The following PLEC variants were observed in gnomAD, a reference collection of about 807,000 sequenced individuals.
The protein encoded by PLEC is hemidesmosomal protein 1.
A neutral mutation model predicts 392.8 loss-of-function variants in PLEC; 216 were observed. That is an observed-to-expected ratio of 0.55 (90% confidence interval 0.49 to 0.62). The LOEUF (loss-of-function observed/expected upper bound fraction) is 0.62. Ranked by LOEUF, PLEC falls within the 20% of genes least tolerant of loss-of-function variation. The probability of loss-of-function intolerance (pLI) is 0.00; values close to 1 mark genes in which losing one functional copy is unlikely to be tolerated. For missense variants in PLEC, 6,863 were observed against 6,563.4 expected (o/e 1.05, Z -1.58); for synonymous variants, 3,621 against 2,980.6 (o/e 1.21, Z -7.00).
At chr8:143,950,033 C>T in intron 1 of PLEC, 9 of 1,054,836 alleles carry the variant, frequency 8.5e-6, no homozygotes, top group South Asian at 1.7e-5. Flanking sequence ...ACCCCCTGAC[C>T]CTCGGCTAGG....
Position 143,918,381 on chromosome 8 carries a change from G to C in PLEC, c.11440C>G (p.Leu3814Val). The C allele has an allele frequency of 6.4e-7, 1 of 1,567,332 alleles. No homozygotes were observed. Among genetic ancestry groups the C allele is most frequent in the Non-Finnish European group, 8.6e-7 (1 of 1,162,352 alleles). Reference sequence around the variant, plus strand: ...ACCTCCAGGGGAAGGTGGAAGCCCAGGCGGGGGTCCACGATGCCGCCGGTG... The same window carrying C: ...ACCTCCAGGGGAAGGTGGAAGCCCACGCGGGGGTCCACGATGCCGCCGGTG... ...LATGGIVDPR[L>V]GFHLPLEVAY... The change falls in exon 32 of 32, where the codon CTG becomes GTG. Residue 3814 changes from leucine to valine, a missense_variant. Transcript: ENST00000345136.
rs782459118 is a variant in PLEC, at chr8:143,932,511, C to T, written c.1866G>A (p.Val622=). 6 of 1,612,528 alleles carry T rather than the reference C, an allele frequency of 3.7e-6. No individual in the cohort carries two copies. Among genetic ancestry groups the T allele is most frequent in the South Asian group, 1.1e-5 (1 of 91,096 alleles). The part of the protein sequence containing the change: ...LRSLESLHSF[V]AAATKELMWL... ...ACATTAGCTCCTTAGTGGCGGCTGC[C>T]ACAAAGCTGTGCAAGCTCTCCAGGG... The change falls in exon 16 of 32, where the codon GTG becomes GTA. Residue 622 remains valine, a synonymous_variant. Transcript: ENST00000345136.
At chr8:143,975,185 C>A (rs782696245), upstream of PLEC, 5 of 1,599,670 alleles carry the variant, frequency 3.1e-6, no homozygotes, top group Non-Finnish European at 4.2e-6. The surrounding 1 kb of genome is among the most constrained non-coding windows in gnomAD (Gnocchi z 9.9). Flanking sequence ...ACCTGCGATG[C>A]GAATGACCGC....
chr8:143,935,366 C>A, intron 6 of PLEC, 53 bp from the exon 7 acceptor site: 2 of 1,274,956 alleles, frequency 1.6e-6, no homozygotes, highest in South Asian at 1.2e-5. Context: ...AGCGGCCACA[C>A]CACACAGGCG....
upstream of PLEC, chr8:143,976,712 C>T (rs1833678712): frequency 6.6e-6 from 1 of 151,978 alleles, no homozygotes; most frequent in African/African-American, 2.4e-5. Context: ...CCTGGTGGCT[C>T]CGCTCACTTC....
chr8:143,924,313 G>A lies in PLEC; in HGVS notation c.5616C>T (p.Asp1872=), dbSNP rs371589575. ...CCAGCCGCCGCCGCTGGAAGGCCTC[G>A]TCCTCCGCCAGCCGCCGCAGGCGCT... The part of the protein sequence containing the change: ...ENERLRRLAE[D]EAFQRRRLEE... The change falls in exon 31 of 32, where the codon GAC becomes GAT. Residue 1872 remains aspartate (D), a synonymous_variant. Coordinates refer to ENST00000345136, the MANE Select transcript of PLEC (RefSeq NM_201384.3). The A allele has an allele frequency of 1.3e-5, 20 of 1,594,338 alleles. No individual in the cohort carries two copies. The highest frequency in any genetic ancestry group is 9.9e-5 in the South Asian group (9 of 90,700).
In PLEC at chr8:143,929,943, A is replaced by G. The variant is rs1554712438; in HGVS notation, c.2732T>C (p.Leu911Pro). Residue 911 changes from leucine (L) to proline (P), a missense_variant, in exon 22 of 32, where the codon CTG becomes CCG. Physicochemically the swap from Leu to Pro is moderately conservative, Grantham distance 98. Coordinates refer to ENST00000345136, the MANE Select transcript of PLEC (RefSeq NM_201384.3). ...RDVQLIRSWS[L>P]ATFRTLKPEE... Reference sequence around the variant, plus strand: ...GCTCGGGGGCAGGCGTACCGTGGCCAGGGACCAGGAGCGGATGAGCTGCAC... The same window carrying G: ...GCTCGGGGGCAGGCGTACCGTGGCCGGGGACCAGGAGCGGATGAGCTGCAC... 2 of 1,610,288 alleles carry G rather than the reference A, an allele frequency of 1.2e-6. No homozygotes were observed. The highest frequency in any genetic ancestry group is 8.5e-7 in the Non-Finnish European group (1 of 1,179,500).
Position 143,920,389 on chromosome 8 carries a change from C to G in PLEC, c.9432G>C (p.Val3144=), listed in dbSNP as rs1235460294. ...GCACGCGGTGGCTCTTGCTGGGGTC[C>G]ACGATGCCGCCCGTGGACAGCTGGG... is the stretch of plus-strand genomic sequence containing the variant. ...LDAQLSTGGI[V]DPSKSHRVPL... is the part of the protein sequence containing the mutation. Residue 3144 remains valine, a synonymous_variant, in exon 32 of 32, where the codon GTG becomes GTC. Coordinates refer to ENST00000345136, the MANE Select transcript of PLEC (RefSeq NM_201384.3). 1.3e-6 allele frequency: 2 copies of G among 1,590,842 alleles called. No homozygotes were observed. The highest frequency in any genetic ancestry group is 1.7e-6 in the Non-Finnish European group (2 of 1,171,612).
Position 143,925,756 on chromosome 8 carries a change from C to G in PLEC, c.4173G>C (p.Lys1391Asn). 1 of 1,593,116 alleles carries G rather than the reference C, an allele frequency of 6.3e-7. No individual in the cohort carries two copies. Residue 1391 changes from lysine to asparagine, a missense_variant, in exon 31 of 32, where the codon AAG becomes AAC. Coordinates refer to ENST00000345136, the MANE Select transcript of PLEC (RefSeq NM_201384.3). ...QAKAQAEREA[K>N]ELQQRMQEEV... The stretch of plus-strand genomic sequence containing the variant: ...CCTCCTGCATGCGCTGCTGCAGCTC[C>G]TTCGCCTCCCGCTCCGCCTGTGCCT...
rs1820273096 is a variant in PLEC at position 143,915,449 on chromosome 8, C to T, written c.*728G>A. On this transcript the variant is annotated 3_prime_UTR_variant, in exon 32 of 32. Transcript: ENST00000345136. Reference sequence around the variant, plus strand: ...GCACCCCAGTGTGGGGCTCCACAAGCTGGAGGGGCCCCTGGACCCACCAGG... The same window carrying T: ...GCACCCCAGTGTGGGGCTCCACAAGTTGGAGGGGCCCCTGGACCCACCAGG... 1 of 152,306 alleles carries T rather than the reference C, an allele frequency of 6.6e-6. No individual in the cohort carries two copies. The highest frequency in any genetic ancestry group is 6.5e-5 in the Admixed American group (1 of 15,290). 9.4% of individuals were successfully genotyped at this position (152,306 alleles called of 1,614,324 possible).
rs923031224 is a variant in PLEC, at chr8:143,919,899, G to T, written c.9922C>A (p.Leu3308Ile). ...TCGCTGGCTGGCACAGGGGCACGGA[G>T]GCCGCTGAAGGACAGCCTCTCCTGC... ...LRQERLSFSG[L>I]RAPVPASELL... Residue 3308 changes from leucine to isoleucine, a missense_variant, in exon 32 of 32, where the codon CTC (leucine) becomes ATC (isoleucine). Transcript: ENST00000345136. 3 of 1,613,134 alleles carry T rather than the reference G, an allele frequency of 1.9e-6. No homozygotes were observed. Among genetic ancestry groups the T allele is most frequent in the Non-Finnish European group, 2.5e-6 (3 of 1,180,010 alleles).
At chr8:143,976,079 C>G (rs782600160), upstream of PLEC, among the ~76,000 whole-genome samples, 59 of 152,348 alleles carry the variant, frequency 3.9e-4, 1 homozygote, top group African/African-American at 1.4e-3. Context: ...CCTCGATCTC[C>G]GCAGCGAAGG....
rs782119259 is a variant in PLEC, at chr8:143,930,430, C to T, written c.2411G>A (p.Arg804Gln). The change falls in exon 20 of 32, where the codon CGG becomes CAG. Residue 804 changes from arginine to glutamine, a missense_variant. Physicochemically the swap from Arg to Gln is conservative, Grantham distance 43. Coordinates refer to ENST00000345136, the MANE Select transcript of PLEC (RefSeq NM_201384.3). ...LKPRHPAHPM[R>Q]GRLPLLAVCD... is the part of the protein sequence containing the mutation. ...CACGGCCAGCAGGGGCAGGCGGCCC[C>T]GCATGGGGTGGGCTGGGTGGCGGGG... is the stretch of plus-strand genomic sequence containing the variant. 38 of 1,573,788 alleles carry T rather than the reference C, an allele frequency of 2.4e-5. No homozygotes were observed. Among genetic ancestry groups the T allele is most frequent in the Middle Eastern group, 1.7e-4 (1 of 6,034 alleles).
intron 30 of PLEC, 57 bp downstream of exon 30, chr8:143,926,727 G>T: frequency 7.2e-7 from 1 of 1,396,218 alleles, no homozygotes; most frequent in African/African-American, 1.4e-5. Context: ...CTGTGTGTGG[G>T]ACACAACAGG....
exon 1 of PLEC, chr8:143,950,692 C>T (rs1554735904): frequency 1.3e-6 from 2 of 1,565,890 alleles, no homozygotes. Context: ...GTGGCATGAG[C>T]ATGCCGGCCA....
Position 143,916,055 on chromosome 8 carries a change from C to T in PLEC, c.*122G>A, listed in dbSNP as rs1475568936. On this transcript the variant is annotated 3_prime_UTR_variant, in exon 32 of 32. Transcript: ENST00000345136. ...ATATATATTAATATATTAGTCTGGT[C>T]TTTTTGGTTAAACTTTAGGCACCAC... The T allele has an allele frequency of 9.4e-6, 6 of 641,294 alleles. No homozygotes were observed. Among genetic ancestry groups the T allele is most frequent in the Non-Finnish European group, 1.6e-5 (6 of 383,706 alleles). 39.7% of individuals were successfully genotyped at this position (641,294 alleles called of 1,614,324 possible).
At chr8:143,933,571 C>T (rs773780107) in intron 12 of PLEC, among the ~76,000 whole-genome samples, 1 of 152,176 alleles carries the variant, frequency 6.6e-6, no homozygotes, top group Non-Finnish European at 1.5e-5. Flanking sequence ...GTCCAAGAAC[C>T]GAGACCCCCA....
At chr8:143,938,348 G>A (rs1311889788) in intron 2 of PLEC, 108 bp from the exon 3 acceptor site, 4 of 1,536,336 alleles carry the variant, frequency 2.6e-6, no homozygotes, top group Non-Finnish European at 3.5e-6. Context: ...GGAGGCGGGG[G>A]CTGAGTCTCC....
At chr8:143,946,045 G>A (rs996068697) in intron 1 of PLEC, among the ~76,000 whole-genome samples, 4 of 152,244 alleles carry the variant, frequency 2.6e-5, no homozygotes, top group Non-Finnish European at 2.9e-5. Context: ...TCCCTGCCAC[G>A]TGCTGGGGAA....
Sources: allele counts gnomAD v4.1 joint callset (sites outside exome capture counted in the v4.1 genomes callset), GRCh38; gene constraint gnomAD v4.1.1; non-coding constraint Gnocchi (gnomAD v3.1); transcripts MANE v1.5; gene names NCBI Gene and HGNC (gene_info 2026-07-23, HGNC 2026-07-21).